The following ALK variants were observed in gnomAD, a reference collection of about 807,000 sequenced individuals.
ALK encodes the protein ALK receptor tyrosine kinase, also known as ALK tyrosine kinase receptor.
Under a neutral mutation model 163.1 loss-of-function variants are expected in ALK, and 74 were observed. That is an observed-to-expected ratio of 0.45 (90% CI 0.38 to 0.55). The LOEUF is 0.55. Ranked by LOEUF, ALK falls within the 20% of genes least tolerant of loss-of-function variation. The pLI, the probability that ALK is intolerant of heterozygous loss-of-function variation, is 0.00. For synonymous variants in ALK, 960 were observed against 843.2 expected (o/e 1.14, Z -2.40); for missense variants, 2,063 against 2,105.3 (o/e 0.98, Z 0.39).
chr2:29,744,967 G>T (rs1161496694), intron 1 of ALK, among the ~76,000 whole-genome samples: 1 of 152,172 alleles, frequency 6.6e-6, no homozygotes, highest in South Asian at 2.1e-4. Context: ...ATTTTTGAAT[G>T]GAAGGGGTGT....
chr2:29,243,702 C>T (rs1664581842), intron 12 of ALK, among the ~76,000 whole-genome samples: 1 of 152,226 alleles, frequency 6.6e-6, no homozygotes, highest in African/African-American at 2.4e-5. Context: ...AATCACGTTA[C>T]ACAAACTCAT....
intron 1 of ALK, among the ~76,000 whole-genome samples, chr2:29,898,129 T>C (rs1225142947): frequency 6.6e-6 from 1 of 152,222 alleles, no homozygotes; most frequent in South Asian, 2.1e-4. Context: ...CACAGTTCCA[T>C]GGCCTCAGGG....
intron 3 of ALK, among the ~76,000 whole-genome samples, chr2:29,552,712 T>C (rs1673747162): frequency 6.6e-6 from 1 of 152,242 alleles, no homozygotes; most frequent in Admixed American, 6.5e-5. Flanking sequence ...TTTGCTTTTA[T>C]CTGTCACTTC....
In ALK at chr2:29,246,108, T is replaced by C. The variant is rs1355749059; in HGVS notation, c.2204+4997A>G. Among the ~76,000 whole-genome samples, 2 of 152,092 alleles carry C rather than the reference T, an allele frequency of 1.3e-5. No homozygotes were observed. The highest frequency in any genetic ancestry group is 2.9e-5 in the Non-Finnish European group (2 of 68,020). Reference sequence around the variant, plus strand: ...TATGGGCCATGCTTGACAAATGGTGTTATATACGATCTGTGTGTGTATGGT... The same window carrying C: ...TATGGGCCATGCTTGACAAATGGTGCTATATACGATCTGTGTGTGTATGGT... On this transcript the variant is annotated intron_variant, in intron 12 of 28. Transcript: ENST00000389048. This position sits in a 1 kb window ranked among gnomAD's most constrained non-coding sequence, Gnocchi z 4.3.
chr2:29,705,240 A>AAAGAAATATATATATATATAT (rs1678863149), intron 2 of ALK, among the ~76,000 whole-genome samples: 1 of 47,122 alleles, frequency 2.1e-5, no homozygotes, highest in Non-Finnish European at 4.5e-5. Flanking sequence ...AAAGAAAAGA[A>AAAGAAATATATATATATATAT]ATATATATAT....
intron 26 of ALK, among the ~76,000 whole-genome samples, chr2:29,197,882 A>AT (rs1347349572): frequency 1.3e-5 from 2 of 152,174 alleles, no homozygotes; most frequent in Admixed American, 6.5e-5. Context: ...ACCCCTGTTG[A>AT]TTTTTAAGTC....
intron 5 of ALK, among the ~76,000 whole-genome samples, chr2:29,355,565 C>T (rs1364656051): frequency 2.6e-5 from 4 of 152,168 alleles, no homozygotes; most frequent in Non-Finnish European, 5.9e-5. Context: ...TCCCATCCCT[C>T]GGCTGAGGCG....
At chr2:29,251,064 AG>A (rs1664801856) in intron 12 of ALK, 40 bp downstream of exon 12, 1 of 1,604,364 alleles carries the variant, frequency 6.2e-7, no homozygotes, top group Non-Finnish European at 8.5e-7. Context: ...CTTCTTCGGA[AG>A]GGGTGGTCTG....
At chr2:29,470,243 C>T (rs997598297) in intron 4 of ALK, among the ~76,000 whole-genome samples, 13 of 151,990 alleles carry the variant, frequency 8.6e-5, no homozygotes, top group Admixed American at 1.3e-4. Context: ...TCAAGAGACA[C>T]GTGAGTCACA....
chr2:29,678,343 G>A (rs6707890), intron 3 of ALK, among the ~76,000 whole-genome samples: 1,815 of 151,334 alleles, frequency 0.012, 36 homozygotes, highest in African/African-American at 0.042. Flanking sequence ...CTTTTACATC[G>A]CATGTTTTCA....
At chr2:29,283,088 G>A (rs972385966) in intron 9 of ALK, among the ~76,000 whole-genome samples, 9 of 152,182 alleles carry the variant, frequency 5.9e-5, no homozygotes, top group African/African-American at 1.9e-4. Flanking sequence ...AAAAATACTC[G>A]ACCTACAGTC....
chr2:29,410,919 C>T (rs1291569210), intron 4 of ALK, among the ~76,000 whole-genome samples: 2 of 152,252 alleles, frequency 1.3e-5, no homozygotes, highest in East Asian at 3.9e-4. Flanking sequence ...ATAGATTAGC[C>T]TTAGCTTACT....
rs4499385 is a variant in ALK, at chr2:29,383,958, G to A, written c.1155-99C>T. 0.03 allele frequency: 43,913 copies of A among 1,485,856 alleles called. 1,972 individuals carry two copies. Among genetic ancestry groups the A allele is most frequent in the African/African-American group, 0.21 (15,007 of 72,386 alleles). 92.0% of individuals were successfully genotyped at this position (1,485,856 alleles called of 1,614,324 possible). A position where few individuals can be genotyped will look rare whatever the true frequency, so the allele number is the denominator to read the frequency against. ...GGTCATGTCCTTGCAGGGACTTCAG[G>A]ACTCACATTCTTCATGGGCACCAAG... On this transcript the variant is annotated intron_variant, in intron 4 of 28. Coordinates refer to ENST00000389048, the MANE Select transcript of ALK (RefSeq NM_004304.5).
intron 1 of ALK, among the ~76,000 whole-genome samples, chr2:29,776,126 CA>C (rs1475049376): frequency 6.7e-6 from 1 of 150,296 alleles, no homozygotes; most frequent in Non-Finnish European, 1.5e-5. Flanking sequence ...AGGCACAGCA[CA>C]AGGCTTAATT....
At position 29,544,142 on chromosome 2, in the gene ALK, A is replaced by G. The variant is rs1673487054; in HGVS notation, c.953-12026T>C. 2.0e-5 allele frequency among the ~76,000 whole-genome samples: 3 copies of G among 152,202 alleles called. No homozygotes were observed. In the South Asian group the frequency reaches 6.2e-4, roughly 32 times the overall value. ...GGGAACTAAGGAAAAGCAGAGGTTT[A>G]ATGGGTTGGAATCTGGACAGAAGGA... is the stretch of plus-strand genomic sequence containing the variant. On this transcript the variant is annotated intron_variant, in intron 3 of 28. Coordinates refer to ENST00000389048, the MANE Select transcript of ALK (RefSeq NM_004304.5).
chr2:29,738,976 C>A (rs1156466542), intron 1 of ALK, among the ~76,000 whole-genome samples: 1 of 151,908 alleles, frequency 6.6e-6, no homozygotes, highest in East Asian at 1.9e-4. Flanking sequence ...GTGGCTCATG[C>A]CTGTAATCCC....
intron 4 of ALK, among the ~76,000 whole-genome samples, chr2:29,387,194 CTG>C (rs990929572): frequency 6.6e-6 from 1 of 152,168 alleles, no homozygotes; most frequent in African/African-American, 2.4e-5. Flanking sequence ...ATTATCTTCC[CTG>C]TGTCTCTCTG....
In ALK at chr2:29,404,307, C is replaced by CA. The variant is rs11297118; in HGVS notation, c.1155-20449dup. Reference sequence around the variant, plus strand: ...TGACCCACGGAGCAAGACTCCGTCTCAAAAAAAAAAAAAAAAAAAGAGCTC... The same window carrying CA: ...TGACCCACGGAGCAAGACTCCGTCTCAAAAAAAAAAAAAAAAAAAAGAGCTC... On this transcript the variant is annotated intron_variant, in intron 4 of 28. Transcript: ENST00000389048. Among the ~76,000 whole-genome samples, 173 of 135,412 alleles carry CA rather than the reference C, an allele frequency of 1.3e-3. 1 individual carries two copies. The highest frequency in any genetic ancestry group is 1.4e-3 in the Non-Finnish European group (90 of 63,266). The allele number at this position is 135,412 out of a possible 152,430, so 88.8% of individuals were successfully genotyped here. A position where few individuals can be genotyped will look rare whatever the true frequency, so the allele number is the denominator to read the frequency against.
chr2:29,866,406 G>A (rs1666435567), intron 1 of ALK, among the ~76,000 whole-genome samples: 1 of 152,208 alleles, frequency 6.6e-6, no homozygotes, highest in African/African-American at 2.4e-5. Context: ...GAGGGAGCTG[G>A]TAGCATCTGA....
Sources: allele counts gnomAD v4.1 joint callset (sites outside exome capture counted in the v4.1 genomes callset), GRCh38; gene constraint gnomAD v4.1.1; non-coding constraint Gnocchi (gnomAD v3.1); transcripts MANE v1.5; gene names NCBI Gene and HGNC (gene_info 2026-07-23, HGNC 2026-07-21).